OPCML: variants seen among roughly 807,000 people sequenced by gnomAD.
The protein encoded by OPCML is opioid binding protein/cell adhesion molecule like.
A neutral mutation model predicts 37.8 loss-of-function variants in OPCML; 13 were observed. The observed-to-expected ratio is 0.34, with a 90% CI of 0.22 to 0.55. The LOEUF (loss-of-function observed/expected upper bound fraction) is 0.55. OPCML is among the 20% of genes least tolerant of loss of function. OPCML has a pLI of 0.91. For synonymous variants in OPCML, 176 were observed against 168.8 expected (o/e 1.04, Z -0.33); for missense variants, 341 against 435.6 (o/e 0.78, Z 1.93).
intron 1 of OPCML, among the ~76,000 whole-genome samples, chr11:133,481,959 C>T (rs752929432): frequency 6.6e-6 from 1 of 152,080 alleles, no homozygotes; most frequent in African/African-American, 2.4e-5. Context: ...ACCTAATGGG[C>T]TTCGAGTGTC....
At chr11:132,966,001 A>G (rs1357053807) in intron 1 of OPCML, among the ~76,000 whole-genome samples, 1 of 151,976 alleles carries the variant, frequency 6.6e-6, no homozygotes, top group African/African-American at 2.4e-5. Flanking sequence ...ATCAATTTGT[A>G]GTTTCATTTA....
chr11:132,565,019 A>G (rs1250792536), intron 3 of OPCML, among the ~76,000 whole-genome samples: 3 of 152,246 alleles, frequency 2.0e-5, no homozygotes, highest in Non-Finnish European at 4.4e-5. Context: ...CAGTCCAACA[A>G]GAAGAGGTAA....
chr11:133,263,097 C>T lies in OPCML; in HGVS notation c.61+269167G>A, dbSNP rs561643160. Reference sequence around the variant, plus strand: ...AAGTGGGTATGGTTGGACTGTGGCTCGGACATTTACCACTTATGTGACCCC... The same window carrying T: ...AAGTGGGTATGGTTGGACTGTGGCTTGGACATTTACCACTTATGTGACCCC... On this transcript the variant is annotated intron_variant, in intron 1 of 7. Coordinates refer to ENST00000524381, the MANE Select transcript of OPCML (RefSeq NM_001012393.5). Among the ~76,000 whole-genome samples the T allele has an allele frequency of 2.6e-4, 39 of 151,996 alleles. 1 individual carries two copies. Among genetic ancestry groups the T allele is most frequent in the African/African-American group, 5.8e-4 (24 of 41,452 alleles).
intron 2 of OPCML, among the ~76,000 whole-genome samples, chr11:132,836,807 G>T (rs1941025160): frequency 6.6e-6 from 1 of 152,150 alleles, no homozygotes; most frequent in Non-Finnish European, 1.5e-5. Context: ...CTAGACCACG[G>T]AAAAGAGCAG....
chr11:133,080,892 G>A (rs1037853619), intron 1 of OPCML, among the ~76,000 whole-genome samples: 2 of 152,148 alleles, frequency 1.3e-5, no homozygotes, highest in Non-Finnish European at 2.9e-5. Flanking sequence ...TATCGGTGCA[G>A]AACACGACTG....
chr11:133,346,495 T>G (rs565719301), intron 1 of OPCML, among the ~76,000 whole-genome samples: 2 of 152,176 alleles, frequency 1.3e-5, no homozygotes, highest in Non-Finnish European at 2.9e-5. Flanking sequence ...CAAATGCAAA[T>G]TTTGAAATGT....
Position 133,090,678 on chromosome 11 carries a change from A to T in OPCML, c.62-147668T>A, listed in dbSNP as rs1303817688. On this transcript the variant is annotated intron_variant, in intron 1 of 7. Coordinates refer to ENST00000524381, the MANE Select transcript of OPCML (RefSeq NM_001012393.5). ...TTTGGCAAAAGAAACCTCCAAGCAA[A>T]TGTTCAGGGTGCTGCACAGCTTCTC... Among the ~76,000 whole-genome samples the T allele has an allele frequency of 2.0e-5, 3 of 152,182 alleles. 1 individual carries two copies. The highest frequency in any genetic ancestry group is 4.1e-4 in the South Asian group (2 of 4,832).
intron 3 of OPCML, among the ~76,000 whole-genome samples, chr11:132,640,716 C>T (rs188864573): frequency 1.3e-5 from 2 of 152,254 alleles, no homozygotes; most frequent in African/African-American, 2.4e-5. Flanking sequence ...GCAGTAGTTA[C>T]GGTGTGGTGT....
At chr11:133,156,136 T>G (rs1048137951) in intron 1 of OPCML, among the ~76,000 whole-genome samples, 3 of 152,242 alleles carry the variant, frequency 2.0e-5, no homozygotes, top group African/African-American at 7.2e-5. Context: ...CATCCTTTGA[T>G]CTTGAGGATG....
intron 1 of OPCML, among the ~76,000 whole-genome samples, chr11:133,517,972 G>A (rs1948318630): frequency 6.6e-6 from 1 of 152,212 alleles, no homozygotes; most frequent in Admixed American, 6.5e-5. Context: ...CCAGGAAGCA[G>A]TCTCTTTCTC....
At chr11:133,204,581 T>C (rs1181494399) in intron 1 of OPCML, among the ~76,000 whole-genome samples, 5 of 152,136 alleles carry the variant, frequency 3.3e-5, no homozygotes, top group Admixed American at 2.6e-4. Context: ...GTGAGTTTCT[T>C]GGGTTTTGTG....
chr11:133,004,005 AC>A, intron 1 of OPCML: 1 of 985,410 alleles, frequency 1.0e-6, no homozygotes, highest in Non-Finnish European at 1.2e-6. Flanking sequence ...AGGAAGTGGC[AC>A]ACGTCTCTCA....
At chr11:133,324,758 A>G (rs991146825) in intron 1 of OPCML, among the ~76,000 whole-genome samples, 2 of 152,182 alleles carry the variant, frequency 1.3e-5, no homozygotes, top group Admixed American at 6.5e-5. Flanking sequence ...AAGGACATCA[A>G]TGCCAATACT....
intron 1 of OPCML, among the ~76,000 whole-genome samples, chr11:133,153,344 A>C (rs1337928933): frequency 1.3e-5 from 2 of 152,148 alleles, no homozygotes; most frequent in East Asian, 3.9e-4. Flanking sequence ...GCTCCACAGG[A>C]GAGCGAGTCC....
chr11:133,078,246 C>T (rs1948653487), intron 1 of OPCML, among the ~76,000 whole-genome samples: 1 of 152,066 alleles, frequency 6.6e-6, no homozygotes, highest in Non-Finnish European at 1.5e-5. Flanking sequence ...TGCAGCCGCC[C>T]GGACGATCTG....
chr11:132,785,116 T>C (rs1947164231), intron 2 of OPCML, among the ~76,000 whole-genome samples: 1 of 152,220 alleles, frequency 6.6e-6, no homozygotes, highest in South Asian at 2.1e-4. Flanking sequence ...ACCTATATTG[T>C]ATTACAAGAA....
chr11:132,768,183 G>C (rs553504675), intron 2 of OPCML, among the ~76,000 whole-genome samples: 1 of 152,126 alleles, frequency 6.6e-6, no homozygotes, highest in Non-Finnish European at 1.5e-5. Flanking sequence ...TTATTCTATT[G>C]GAGACGCGTA....
At chr11:133,207,119 T>TAAAA (rs71038525) in intron 1 of OPCML, among the ~76,000 whole-genome samples, 1 of 99,676 alleles carries the variant, frequency 1.0e-5, no homozygotes, top group Non-Finnish European at 1.9e-5. Context: ...AACCCTCTAC[T>TAAAA]AAAAAAAAAA....
intron 2 of OPCML, among the ~76,000 whole-genome samples, chr11:132,724,346 A>G (rs538787406): frequency 6.6e-6 from 1 of 152,336 alleles, no homozygotes; most frequent in African/African-American, 2.4e-5. Context: ...TCTTCTATGT[A>G]TTAGTCTGTT....
Sources: gnomAD v4.1 joint callset for allele counts (sites outside exome capture counted in the v4.1 genomes callset) on GRCh38, gnomAD v4.1.1 for gene constraint, MANE v1.5 for transcripts, NCBI Gene and HGNC (gene_info 2026-07-23, HGNC 2026-07-21) for gene names.